CNBD1: variants seen among roughly 807,000 people sequenced by gnomAD.
The protein encoded by CNBD1 is cyclic nucleotide-binding domain-containing protein 1.
A neutral mutation model predicts 54.4 loss-of-function variants in CNBD1; 71 were observed. The ratio of observed to expected loss-of-function variants is 1.30; its 90% CI spans 1.08 to 1.59. The LOEUF is 1.59. CNBD1 is among the 40% of genes most tolerant of loss of function. CNBD1 has a pLI of 0.00. For synonymous variants in CNBD1, 182 were observed against 170.7 expected, an observed-to-expected ratio of 1.07 and a Z score of -0.51; for missense variants, 659 against 518.0, an observed-to-expected ratio of 1.27 and a Z score of -2.64.
chr8:87,158,117 C>T (rs1292969283), intron 4 of CNBD1, among the ~76,000 whole-genome samples: 3 of 152,108 alleles, frequency 2.0e-5, no homozygotes, highest in African/African-American at 7.2e-5. Context: ...GTCTAATCCT[C>T]AGAAGACACT....
intron 6 of CNBD1, among the ~76,000 whole-genome samples, chr8:87,280,479 T>G (rs1168854188): frequency 6.6e-6 from 1 of 151,472 alleles, no homozygotes; most frequent in African/African-American, 2.4e-5. Flanking sequence ...GATCTTTGTG[T>G]TTTTGTTGGT....
chr8:87,235,867 C>T (rs189365394), intron 5 of CNBD1, among the ~76,000 whole-genome samples: 1 of 152,104 alleles, frequency 6.6e-6, no homozygotes, highest in East Asian at 1.9e-4. Context: ...ACAAGATATG[C>T]TTGTATTGTG....
At chr8:87,164,380 T>C (rs1338262630) in intron 4 of CNBD1, among the ~76,000 whole-genome samples, 1 of 151,882 alleles carries the variant, frequency 6.6e-6, no homozygotes, top group Non-Finnish European at 1.5e-5. Context: ...TTTTTTTTAA[T>C]GGTTGGTAAA....
At chr8:87,085,116 C>T (rs997508633) in intron 4 of CNBD1, among the ~76,000 whole-genome samples, 7 of 152,168 alleles carry the variant, frequency 4.6e-5, no homozygotes, top group African/African-American at 1.7e-4. Context: ...TTCTCTTTCT[C>T]TTCCCCTTTT....
At chr8:87,181,291 T>G (rs940855671) in intron 4 of CNBD1, among the ~76,000 whole-genome samples, 5 of 152,198 alleles carry the variant, frequency 3.3e-5, no homozygotes, top group Non-Finnish European at 5.9e-5. Flanking sequence ...ATTTGACATG[T>G]GTACACATCT....
intron 4 of CNBD1, among the ~76,000 whole-genome samples, chr8:86,963,762 C>A (rs1397469426): frequency 5.9e-5 from 9 of 152,150 alleles, no homozygotes; most frequent in African/African-American, 2.2e-4. Context: ...GGAGGTCCAA[C>A]CTCCTTTCCT....
intron 4 of CNBD1, among the ~76,000 whole-genome samples, chr8:87,118,266 G>C (rs1811815945): frequency 7.4e-6 from 1 of 135,688 alleles, no homozygotes; most frequent in East Asian, 2.4e-4. Context: ...AGTGAGCCAA[G>C]ATTGCACAAC....
intron 4 of CNBD1, among the ~76,000 whole-genome samples, chr8:87,115,923 T>A (rs972619173): frequency 1.3e-5 from 2 of 152,102 alleles, no homozygotes; most frequent in African/African-American, 4.8e-5. Context: ...TATATCCAGC[T>A]CATCATTACA....
chr8:87,216,812 G>T (rs1814221682), intron 5 of CNBD1, among the ~76,000 whole-genome samples: 1 of 152,128 alleles, frequency 6.6e-6, no homozygotes. Context: ...AAGGAAACTT[G>T]TTTGTTAACA....
chr8:87,271,907 A>G (rs1034949525), intron 6 of CNBD1, among the ~76,000 whole-genome samples: 1 of 152,050 alleles, frequency 6.6e-6, no homozygotes, highest in African/African-American at 2.4e-5. Context: ...TATATACACA[A>G]TGGAATGTTA....
At chr8:86,875,386 G>A (rs12548015) in intron 1 of CNBD1, among the ~76,000 whole-genome samples, 8,961 of 152,152 alleles carry the variant, frequency 0.059, 350 homozygotes, top group East Asian at 0.15. Flanking sequence ...TGGTATAGAT[G>A]TCTACCATCT....
intron 6 of CNBD1, among the ~76,000 whole-genome samples, chr8:87,256,007 ATATATATATTTTTTTTTTTTTT>A (rs1808011875): frequency 5.1e-5 from 1 of 19,800 alleles, no homozygotes; most frequent in African/African-American, 2.7e-4. Flanking sequence ...ATATATATAT[ATATATATATTTTTTTTTTTTTT>A]TTTTTTTTTT....
chr8:87,040,979 C>T (rs10099489), intron 4 of CNBD1, among the ~76,000 whole-genome samples: 129 of 151,986 alleles, frequency 8.5e-4, no homozygotes, highest in Admixed American at 1.8e-3. Context: ...AAAGTAATTG[C>T]AAACTTGTTT....
At chr8:87,301,785 A>T (rs1809001213) in intron 8 of CNBD1, among the ~76,000 whole-genome samples, 1 of 152,210 alleles carries the variant, frequency 6.6e-6, no homozygotes, top group Non-Finnish European at 1.5e-5. Flanking sequence ...AATAGAGGAA[A>T]TAAAAAATGA....
intron 6 of CNBD1, among the ~76,000 whole-genome samples, chr8:87,266,820 A>C (rs1472313872): frequency 6.6e-5 from 10 of 152,072 alleles, no homozygotes; most frequent in African/African-American, 2.4e-4. Context: ...CATTTGGGTA[A>C]GGGCAGTTGG....
chr8:87,381,193 AAAT>A (rs1300497191), intron 10 of CNBD1, among the ~76,000 whole-genome samples: 12 of 152,070 alleles, frequency 7.9e-5, no homozygotes, highest in Admixed American at 2.6e-4. Flanking sequence ...CAATAGCTAA[AAAT>A]AATAACTCAA....
intron 8 of CNBD1, among the ~76,000 whole-genome samples, chr8:87,341,553 T>C (rs1336222758): frequency 6.6e-6 from 1 of 152,204 alleles, no homozygotes; most frequent in South Asian, 2.1e-4. Flanking sequence ...TGTTAAAATG[T>C]TATTGCTGTT....
intron 8 of CNBD1, among the ~76,000 whole-genome samples, chr8:87,347,384 A>G (rs1333297479): frequency 6.6e-6 from 1 of 152,208 alleles, no homozygotes; most frequent in Non-Finnish European, 1.5e-5. Flanking sequence ...GCCTATATGT[A>G]GATACATAAG....
At chr8:87,066,327 TGTTACATA>T (rs141521266) in intron 4 of CNBD1, among the ~76,000 whole-genome samples, 5,664 of 152,020 alleles carry the variant, frequency 0.037, 133 homozygotes, top group Non-Finnish European at 0.053. Context: ...ATTATTCAGA[TGTTACATA>T]GTTACACTAC....
Sources: allele counts gnomAD v4.1 joint callset (sites outside exome capture counted in the v4.1 genomes callset), GRCh38; gene constraint gnomAD v4.1.1; transcripts MANE v1.5; gene names NCBI Gene and HGNC (gene_info 2026-07-23, HGNC 2026-07-21).